Variants in RIMS2 observed in about 807,000 individuals in gnomAD.
The protein encoded by RIMS2 is regulating synaptic membrane exocytosis protein 2.
Under a neutral mutation model 174.4 loss-of-function variants are expected in RIMS2, and 59 were observed. The observed-to-expected ratio is 0.34, with a 90% CI of 0.27 to 0.42. RIMS2 has a LOEUF of 0.42. Ranked by LOEUF, RIMS2 falls within the 10% of genes least tolerant of loss-of-function variation. The probability of loss-of-function intolerance (pLI) is 1.00; values close to 1 mark genes in which losing one functional copy is unlikely to be tolerated. For missense variants in RIMS2, 1,620 were observed against 1,666.3 expected (o/e 0.97, Z 0.48); for synonymous variants, 606 against 572.5 (o/e 1.06, Z -0.84).
Position 103,947,250 on chromosome 8 carries a change from A to G in RIMS2, c.2701+4324A>G, listed in dbSNP as rs570242779. Among the ~76,000 whole-genome samples the G allele has an allele frequency of 1.8e-4, 27 of 152,292 alleles. No homozygotes were observed. In the East Asian group the frequency reaches 5.2e-3, roughly 29 times the overall value. ...TGATCAATAAAAAATAATACATTGG[A>G]CTGCATCAAAATTTAAAATATTTGC... On this transcript the variant is annotated intron_variant, in intron 14 of 23. Coordinates refer to ENST00000504942, the Ensembl canonical transcript of RIMS2.
At chr8:103,834,147 C>G (rs910714247) in intron 3 of RIMS2, among the ~76,000 whole-genome samples, 1 of 152,006 alleles carries the variant, frequency 6.6e-6, no homozygotes, top group East Asian at 1.9e-4. Flanking sequence ...GTAGCTGGAA[C>G]TACAGGCATG....
intron 4 of RIMS2, among the ~76,000 whole-genome samples, chr8:103,902,464 A>C (rs2073358156): frequency 6.6e-6 from 1 of 152,140 alleles, no homozygotes; most frequent in Non-Finnish European, 1.5e-5. Flanking sequence ...TATGGGCTAC[A>C]ATCAGTCCTC....
intron 19 of RIMS2, among the ~76,000 whole-genome samples, chr8:104,087,441 G>T (rs1365665434): frequency 6.6e-6 from 1 of 151,994 alleles, no homozygotes; most frequent in African/African-American, 2.4e-5. Flanking sequence ...TGATAAAACT[G>T]TAATAAAGGC....
At position 103,683,629 on chromosome 8, in the gene RIMS2, G is replaced by T. The variant is rs540196491; in HGVS notation, c.177-13457G>T. Among the ~76,000 whole-genome samples, 18 of 152,242 alleles carry T rather than the reference G, an allele frequency of 1.2e-4. No homozygotes were observed. In the East Asian group the frequency reaches 3.1e-3, roughly 26 times the overall value. ...TTTCTGTCTTGTTCTTTCTCCCAAT[G>T]GGGTTTAGTCATTTACTGAGAAGCA... On this transcript the variant is annotated intron_variant, in intron 1 of 23. Transcript: ENST00000504942.
intron 3 of RIMS2, among the ~76,000 whole-genome samples, chr8:103,863,894 TTTTTGTTTTTTTTG>T (rs796444461): frequency 8.1e-6 from 1 of 123,178 alleles, no homozygotes; most frequent in African/African-American, 3.6e-5. Flanking sequence ...CAAGTTTTTT[TTTTTGTTTTTTTTG>T]TTTGTTTGTT....
At chr8:103,986,873 C>CAA (rs915445971) in intron 16 of RIMS2, among the ~76,000 whole-genome samples, 16 of 121,682 alleles carry the variant, frequency 1.3e-4, no homozygotes, top group East Asian at 2.5e-4. Context: ...AACTCCGTCT[C>CAA]AAAAAAAAAA....
chr8:103,605,815 T>C (rs1374787711), intron 1 of RIMS2, among the ~76,000 whole-genome samples: 1 of 152,028 alleles, frequency 6.6e-6, no homozygotes, highest in African/African-American at 2.4e-5. Context: ...TCTCTGATGG[T>C]AGTTTGTATT....
intron 3 of RIMS2, among the ~76,000 whole-genome samples, chr8:103,835,334 C>A (rs983983653): frequency 1.3e-5 from 2 of 151,960 alleles, no homozygotes; most frequent in Non-Finnish European, 2.9e-5. Flanking sequence ...AACTCCTGAC[C>A]TTGTGATCTG....
At chr8:104,054,728 A>G (rs1317500533) in intron 19 of RIMS2, among the ~76,000 whole-genome samples, 1 of 152,140 alleles carries the variant, frequency 6.6e-6, no homozygotes, top group Non-Finnish European at 1.5e-5. Context: ...TGCAATTTAT[A>G]ATCAGAATTT....
chr8:104,248,563 G>T, intron 20 of RIMS2, 138 bp from the exon 27 acceptor site: 2 of 625,738 alleles, frequency 3.2e-6, no homozygotes, highest in Non-Finnish European at 2.9e-6. Flanking sequence ...GGTGGAACTG[G>T]GTATTTGGAT....
chr8:104,221,550 T>C (rs2099155370), intron 19 of RIMS2, among the ~76,000 whole-genome samples: 1 of 152,166 alleles, frequency 6.6e-6, no homozygotes, highest in Admixed American at 6.5e-5. Flanking sequence ...TGTCTGGTTT[T>C]ATCAATGTTG....
chr8:104,151,156 C>T (rs2098686674), intron 19 of RIMS2, among the ~76,000 whole-genome samples: 1 of 152,100 alleles, frequency 6.6e-6, no homozygotes, highest in African/African-American at 2.4e-5. Flanking sequence ...TAGTCATTTA[C>T]CTGATTAAGT....
At chr8:103,551,676 G>A (rs755057107) in intron 1 of RIMS2, among the ~76,000 whole-genome samples, 16 of 152,138 alleles carry the variant, frequency 1.1e-4, no homozygotes, top group Admixed American at 3.3e-4. Context: ...GTTTGCAGAT[G>A]ATATGATTGT....
At chr8:104,154,870 A>T (rs1362503862) in intron 19 of RIMS2, among the ~76,000 whole-genome samples, 1 of 152,080 alleles carries the variant, frequency 6.6e-6, no homozygotes, top group Non-Finnish European at 1.5e-5. Flanking sequence ...CTAGTATTGT[A>T]TCACATATGG....
At chr8:104,223,684 T>C (rs1270678006) in intron 19 of RIMS2, 3 of 1,591,626 alleles carry the variant, frequency 1.9e-6, no homozygotes, top group Middle Eastern at 1.9e-4. Flanking sequence ...GTGCCAGCGC[T>C]GCGGGGCGCT....
At position 103,738,886 on chromosome 8, in the gene RIMS2, C is replaced by A. The variant is rs201230020; in HGVS notation, c.388-27341C>A. On this transcript the variant is annotated intron_variant, in intron 2 of 23. Coordinates refer to ENST00000504942, the Ensembl canonical transcript of RIMS2. The stretch of plus-strand genomic sequence containing the variant: ...TTAAAAAGTCAGGAAACAACAGGTG[C>A]TGGAGAGGATGTGGAGAAATAGGAA... Among the ~76,000 whole-genome samples, 1,183 of 151,836 alleles carry A rather than the reference C, an allele frequency of 7.8e-3. 18 individuals carry two copies. Among genetic ancestry groups the A allele is most frequent in the South Asian group, 0.05 (239 of 4,802 alleles).
At chr8:103,896,331 AG>A (rs1238168070) in intron 4 of RIMS2, among the ~76,000 whole-genome samples, 5 of 151,818 alleles carry the variant, frequency 3.3e-5, no homozygotes, top group African/African-American at 1.2e-4. Context: ...TCACGCTGAT[AG>A]ATTTATTGAT....
chr8:103,888,221 C>A (rs1434942492), intron 4 of RIMS2, among the ~76,000 whole-genome samples: 1 of 151,218 alleles, frequency 6.6e-6, no homozygotes, highest in Non-Finnish European at 1.5e-5. Context: ...AACTATTCAA[C>A]AAATAGGGTT....
intron 8 of RIMS2, among the ~76,000 whole-genome samples, chr8:103,917,806 G>C (rs1213931796): frequency 3.3e-5 from 5 of 152,026 alleles, no homozygotes; most frequent in Non-Finnish European, 5.9e-5. Context: ...GAAGTCAGGA[G>C]TTCAAAACCA....
Sources: gnomAD v4.1 joint callset for allele counts (sites outside exome capture counted in the v4.1 genomes callset) on GRCh38, gnomAD v4.1.1 for gene constraint, MANE v1.5 for transcripts, NCBI Gene and HGNC (gene_info 2026-07-23, HGNC 2026-07-21) for gene names.